NTRK3: variants seen among roughly 807,000 people sequenced by gnomAD.
NTRK3 encodes the protein neurotrophic receptor tyrosine kinase 3.
NTRK3 carries 24 observed loss-of-function variants against 91.7 expected under a neutral mutation model. The observed-to-expected ratio is 0.26, with a 90% CI of 0.19 to 0.37. The LOEUF (loss-of-function observed/expected upper bound fraction) is 0.37. NTRK3 is among the 10% of genes least tolerant of loss of function. NTRK3 has a pLI of 1.00. For synonymous variants in NTRK3, 483 were observed against 404.0 expected, an observed-to-expected ratio of 1.20 and a Z score of -2.34; for missense variants, 880 against 1,068.9, an observed-to-expected ratio of 0.82 and a Z score of 2.46.
intron 13 of NTRK3, among the ~76,000 whole-genome samples, chr15:88,045,150 C>A (rs1228594129): frequency 6.6e-6 from 1 of 152,214 alleles, no homozygotes; most frequent in African/African-American, 2.4e-5. Flanking sequence ...AACAGGAGCC[C>A]ACCACCCTGT....
chr15:87,904,070 G>A (rs1456964478), intron 17 of NTRK3, among the ~76,000 whole-genome samples: 1 of 152,094 alleles, frequency 6.6e-6, no homozygotes, highest in Non-Finnish European at 1.5e-5. Context: ...AAGTTTGTTT[G>A]GGTGGGGAGA....
At chr15:88,254,895 C>T (rs1263897685) in intron 3 of NTRK3, among the ~76,000 whole-genome samples, 4 of 152,134 alleles carry the variant, frequency 2.6e-5, no homozygotes, top group African/African-American at 7.2e-5. Context: ...AGGAAGGGGT[C>T]ACCTGGCCGA....
At chr15:87,978,290 T>C (rs144698433) in intron 14 of NTRK3, 10 of 230,022 alleles carry the variant, frequency 4.3e-5, no homozygotes, top group African/African-American at 8.9e-5. Context: ...TAAACACACA[T>C]ATTGACCAGA....
intron 17 of NTRK3, among the ~76,000 whole-genome samples, chr15:87,918,777 T>C (rs1197333910): frequency 6.6e-6 from 1 of 152,192 alleles, no homozygotes; most frequent in Non-Finnish European, 1.5e-5. Flanking sequence ...GGCTAGGGAA[T>C]GTGGTATGAG....
At chr15:88,092,703 G>A (rs973618416) in intron 13 of NTRK3, among the ~76,000 whole-genome samples, 1 of 152,220 alleles carries the variant, frequency 6.6e-6, no homozygotes, top group Admixed American at 6.5e-5. Context: ...TCCCTCTGGA[G>A]GCTCTGGGTA....
At chr15:88,105,877 C>T (rs1234476933) in intron 13 of NTRK3, among the ~76,000 whole-genome samples, 4 of 152,132 alleles carry the variant, frequency 2.6e-5, no homozygotes, top group East Asian at 3.9e-4. Context: ...GCACCATTCA[C>T]GTTTACAGAT....
chr15:88,049,678 A>G (rs754324864), intron 13 of NTRK3, among the ~76,000 whole-genome samples: 3 of 152,238 alleles, frequency 2.0e-5, no homozygotes, highest in Non-Finnish European at 4.4e-5. Flanking sequence ...TTGGCCTAAT[A>G]TGCAAATGTG....
intron 17 of NTRK3, among the ~76,000 whole-genome samples, chr15:87,907,046 A>C (rs1272224934): frequency 2.6e-5 from 4 of 151,988 alleles, no homozygotes; most frequent in African/African-American, 9.7e-5. Flanking sequence ...AATTATTAAT[A>C]ACTTCCCTTT....
chr15:87,950,195 T>C (rs62019202), intron 14 of NTRK3, among the ~76,000 whole-genome samples: 14,813 of 152,204 alleles, frequency 0.097, 1,084 homozygotes, highest in African/African-American at 0.2. Context: ...AAGACATAGG[T>C]TGCAGGGCAC....
At chr15:88,058,258 A>C (rs1597049946) in intron 13 of NTRK3, among the ~76,000 whole-genome samples, 3 of 152,318 alleles carry the variant, frequency 2.0e-5, no homozygotes, top group Admixed American at 2.0e-4. Flanking sequence ...TCTTGAGTTC[A>C]AATCCCACTT....
intron 17 of NTRK3, chr15:87,908,409 T>G: frequency 2.5e-6 from 1 of 398,824 alleles, no homozygotes; most frequent in Non-Finnish European, 4.4e-6. Context: ...GAAGTGCCTC[T>G]CCAAAGCCTG....
intron 17 of NTRK3, among the ~76,000 whole-genome samples, chr15:87,892,110 A>ACACACACACACG (rs1162093326): frequency 6.6e-6 from 1 of 151,328 alleles, no homozygotes; most frequent in South Asian, 2.1e-4. Context: ...ACACACACAC[A>ACACACACACACG]CACGCACGCA....
chr15:88,043,154 A>C (rs2079821998), intron 13 of NTRK3, among the ~76,000 whole-genome samples: 1 of 152,228 alleles, frequency 6.6e-6, no homozygotes, highest in Non-Finnish European at 1.5e-5. Flanking sequence ...AAGGGGTCTG[A>C]GAATGTCAAA....
At chr15:88,119,647 C>T (rs1185549416) in intron 13 of NTRK3, among the ~76,000 whole-genome samples, 1 of 152,168 alleles carries the variant, frequency 6.6e-6, no homozygotes, top group Non-Finnish European at 1.5e-5. Flanking sequence ...GTACCCTCCT[C>T]CCTTGCACAT....
chr15:88,184,388 G>A (rs925524825), intron 3 of NTRK3, 89 bp from the exon 4 acceptor site: 36 of 1,250,588 alleles, frequency 2.9e-5, no homozygotes, highest in Middle Eastern at 1.8e-4. Context: ...TTTGATCCCC[G>A]ATGAGCTAAT....
At chr15:88,032,394 T>C (rs1596832647) in intron 14 of NTRK3, among the ~76,000 whole-genome samples, 1 of 152,110 alleles carries the variant, frequency 6.6e-6, no homozygotes, top group African/African-American at 2.4e-5. Context: ...TTCGGGGCAC[T>C]GGAGGGGCAG....
chr15:88,100,359 A>G (rs2050044523), intron 13 of NTRK3, among the ~76,000 whole-genome samples: 1 of 152,216 alleles, frequency 6.6e-6, no homozygotes, highest in Non-Finnish European at 1.5e-5. Context: ...TCCCATCTGG[A>G]GAGCCATATG....
At chr15:88,060,311 G>A (rs577689086) in intron 13 of NTRK3, among the ~76,000 whole-genome samples, 1 of 151,532 alleles carries the variant, frequency 6.6e-6, no homozygotes, top group East Asian at 1.9e-4. Flanking sequence ...TTAAACCCAG[G>A]AGGTGGAGGT....
chr15:87,860,627 T>G (rs182547504), exon 19 of NTRK3: 1 of 207,144 alleles, frequency 4.8e-6, no homozygotes, highest in East Asian at 7.3e-5. Context: ...GCATAGCCAA[T>G]GCATTCACCT....
Sources: gnomAD v4.1 joint callset for allele counts (sites outside exome capture counted in the v4.1 genomes callset) on GRCh38, gnomAD v4.1.1 for gene constraint, MANE v1.5 for transcripts, NCBI Gene and HGNC (gene_info 2026-07-23, HGNC 2026-07-21) for gene names.